PNLIPRP3: variants seen among roughly 807,000 people sequenced by gnomAD.
PNLIPRP3 encodes pancreatic lipase-related protein 3.
PNLIPRP3 carries 58 observed loss-of-function variants against 52.8 expected under a neutral mutation model. That is an observed-to-expected ratio of 1.10 (90% CI 0.89 to 1.37). The LOEUF is 1.37. Among genes scored for constraint, PNLIPRP3 ranks in the 40% most tolerant of loss-of-function variants. PNLIPRP3 has a pLI of 0.00. For missense variants in PNLIPRP3, 593 were observed against 561.6 expected (o/e 1.06, Z -0.57); for synonymous variants, 192 against 185.0 (o/e 1.04, Z -0.31).
At chr10:116,475,695 T>G (rs996115572) in intron 10 of PNLIPRP3, among the ~76,000 whole-genome samples, 1 of 152,208 alleles carries the variant, frequency 6.6e-6, no homozygotes, top group African/African-American at 2.4e-5. Flanking sequence ...ACTGTTCTAA[T>G]TGCTGGGGAT....
chr10:116,458,235 G>GCTGA (rs1405260657), intron 5 of PNLIPRP3, among the ~76,000 whole-genome samples: 1 of 152,020 alleles, frequency 6.6e-6, no homozygotes, highest in Admixed American at 6.6e-5. Flanking sequence ...CTCTCATTTT[G>GCTGA]CTGACACACA....
At chr10:116,433,937 T>C (rs936369228) in intron 1 of PNLIPRP3, among the ~76,000 whole-genome samples, 1 of 152,240 alleles carries the variant, frequency 6.6e-6, no homozygotes, top group Non-Finnish European at 1.5e-5. Flanking sequence ...AAAGCTAGGC[T>C]ATATCTCCCA....
chr10:116,467,124 C>A (rs1014138266), intron 8 of PNLIPRP3, among the ~76,000 whole-genome samples: 12 of 152,088 alleles, frequency 7.9e-5, no homozygotes, highest in Non-Finnish European at 1.8e-4. Flanking sequence ...AATTGGAGTA[C>A]CCTTAGAAGC....
At position 116,476,799 on chromosome 10, in the gene PNLIPRP3, A is replaced by G; in HGVS notation, c.1320A>G (p.Thr440=). ...NKLGAEMVIN[T]SGKYGYKSTF... is the part of the protein sequence containing the mutation. ...TGGGAGCAGAAATGGTGATAAATACATCTGGGAAATATGGATATAAGTAAG... is the reference window on the plus strand; with the variant it reads ...TGGGAGCAGAAATGGTGATAAATACGTCTGGGAAATATGGATATAAGTAAG... Residue 440 remains threonine, a synonymous_variant, in exon 11 of 12, where the codon ACA becomes ACG. Coordinates refer to ENST00000369230, the MANE Select transcript of PNLIPRP3 (RefSeq NM_001011709.3). 1 of 1,600,760 alleles carries G rather than the reference A, an allele frequency of 6.2e-7. No homozygotes were observed. The highest frequency in any genetic ancestry group is 8.5e-7 in the Non-Finnish European group (1 of 1,175,686).
At chr10:116,454,400 G>A (rs1846082515) in intron 4 of PNLIPRP3, among the ~76,000 whole-genome samples, 2 of 152,300 alleles carry the variant, frequency 1.3e-5, no homozygotes, top group Admixed American at 1.3e-4. Flanking sequence ...TTACAGGCGT[G>A]AGCCCCCACG....
At position 116,455,847 on chromosome 10, in the gene PNLIPRP3, G is replaced by A; in HGVS notation, c.565+17G>A. On this transcript the variant is annotated intron_variant, in intron 5 of 11. Transcript: ENST00000369230. Reference sequence around the variant, plus strand: ...GAATAACTGGTAAGCATGCCCTGCAGTTGGGCCTTGAGTGTGTTTAAATAT... The same window carrying A: ...GAATAACTGGTAAGCATGCCCTGCAATTGGGCCTTGAGTGTGTTTAAATAT... The A allele has an allele frequency of 6.3e-7, 1 of 1,580,840 alleles. No homozygotes were observed. Among genetic ancestry groups the A allele is most frequent in the Non-Finnish European group, 8.7e-7 (1 of 1,150,142 alleles).
intron 1 of PNLIPRP3, among the ~76,000 whole-genome samples, chr10:116,430,535 C>T (rs960124740): frequency 5.3e-5 from 8 of 151,984 alleles, no homozygotes; most frequent in Non-Finnish European, 1.2e-4. Context: ...TGTGGTTAAG[C>T]CAAGTGAAGC....
At chr10:116,448,251 C>T (rs960436929) in intron 4 of PNLIPRP3, among the ~76,000 whole-genome samples, 5 of 151,866 alleles carry the variant, frequency 3.3e-5, no homozygotes, top group Admixed American at 2.0e-4. Context: ...ATAAAAAAGA[C>T]GTAATTATGA....
At chr10:116,443,962 G>A (rs1254044165) in intron 3 of PNLIPRP3, among the ~76,000 whole-genome samples, 2 of 151,244 alleles carry the variant, frequency 1.3e-5, no homozygotes, top group African/African-American at 4.9e-5. Context: ...CCCTAGACTG[G>A]GTAATTTATA....
intron 4 of PNLIPRP3, among the ~76,000 whole-genome samples, chr10:116,450,826 G>GA (rs1300169821): frequency 1.3e-5 from 2 of 152,098 alleles, no homozygotes; most frequent in Non-Finnish European, 2.9e-5. Context: ...CTGTGTTCAT[G>GA]AATCAAAAGA....
intron 3 of PNLIPRP3, 108 bp from the exon 4 acceptor site, chr10:116,444,274 A>G (rs987412552): frequency 7.3e-6 from 7 of 957,712 alleles, no homozygotes; most frequent in Non-Finnish European, 1.5e-6. Context: ...ACAAAGTCTA[A>G]CCATATCAAC....
chr10:116,458,206 CTTAT>C (rs1160181396), intron 5 of PNLIPRP3, among the ~76,000 whole-genome samples: 2 of 152,110 alleles, frequency 1.3e-5, no homozygotes, highest in African/African-American at 4.8e-5. Flanking sequence ...CAACGCTTTT[CTTAT>C]TTGAGGAAAA....
rs149168073 is a variant in PNLIPRP3 at position 116,454,108 on chromosome 10, A to G, written c.457-1614A>G. On this transcript the variant is annotated intron_variant, in intron 4 of 11. Coordinates refer to ENST00000369230, the MANE Select transcript of PNLIPRP3 (RefSeq NM_001011709.3). ...CTTCATCTGTGTCCCTGCAAAGGAC[A>G]TGATCTCATTCTTTTTTTTTTGAGA... 6.7e-3 allele frequency among the ~76,000 whole-genome samples: 1,017 copies of G among 151,736 alleles called. 11 individuals carry two copies. Among genetic ancestry groups the G allele is most frequent in the African/African-American group, 0.021 (863 of 41,418 alleles).
intron 2 of PNLIPRP3, among the ~76,000 whole-genome samples, chr10:116,439,173 G>T (rs1327022531): frequency 6.6e-6 from 1 of 152,248 alleles, no homozygotes; most frequent in South Asian, 2.1e-4. Flanking sequence ...TTAAAATGTT[G>T]ATTTTAATGT....
intron 5 of PNLIPRP3, 101 bp downstream of exon 5, chr10:116,455,931 G>A (rs1452541734): frequency 4.9e-6 from 4 of 820,950 alleles, no homozygotes; most frequent in African/African-American, 1.7e-5. Flanking sequence ...GAAAATATAA[G>A]ATACTACAAA....
chr10:116,453,392 T>C (rs1418740174), intron 4 of PNLIPRP3, among the ~76,000 whole-genome samples: 1 of 152,084 alleles, frequency 6.6e-6, no homozygotes, highest in Admixed American at 6.5e-5. Flanking sequence ...GATGCTAGAA[T>C]GATTAATATG....
At position 116,461,214 on chromosome 10, in the gene PNLIPRP3, T is replaced by A. The variant is rs1347041779; in HGVS notation, c.732T>A (p.Asn244Lys). Reference sequence around the variant, plus strand: ...GTGGTCATCTTGACTTTTACCCAAATGGAGGGAAGCACATGCCAGGATGTG... The same window carrying A: ...GTGGTCATCTTGACTTTTACCCAAAAGGAGGGAAGCACATGCCAGGATGTG... ...DACGHLDFYP[N>K]GGKHMPGCED... The change falls in exon 7 of 12, where the codon AAT becomes AAA. Residue 244 changes from asparagine to lysine, a missense_variant. Physicochemically the swap from Asn to Lys is moderately conservative, Grantham distance 94. Transcript: ENST00000369230. 1 of 1,614,082 alleles carries A rather than the reference T, an allele frequency of 6.2e-7. No individual in the cohort carries two copies. Among genetic ancestry groups the A allele is most frequent in the East Asian group, 2.2e-5 (1 of 44,880 alleles).
chr10:116,470,186 G>T (rs1247485876), intron 9 of PNLIPRP3, among the ~76,000 whole-genome samples: 2 of 151,994 alleles, frequency 1.3e-5, no homozygotes, highest in African/African-American at 2.4e-5. Context: ...TTACGTTGGA[G>T]CTGCCTTTAG....
chr10:116,457,121 T>C (rs1846126933), intron 5 of PNLIPRP3, among the ~76,000 whole-genome samples: 1 of 152,220 alleles, frequency 6.6e-6, no homozygotes, highest in Admixed American at 6.5e-5. Context: ...TTGTCAAGAT[T>C]CATCTCAAAT....
Sources: gnomAD v4.1 joint callset for allele counts (sites outside exome capture counted in the v4.1 genomes callset) on GRCh38, gnomAD v4.1.1 for gene constraint, MANE v1.5 for transcripts, NCBI Gene and HGNC (gene_info 2026-07-23, HGNC 2026-07-21) for gene names.